DCUN1D4: variants seen among roughly 807,000 people sequenced by gnomAD.
DCUN1D4 encodes defective in cullin neddylation 1 domain containing 4.
Under a neutral mutation model 47.9 loss-of-function variants are expected in DCUN1D4, and 22 were observed. That is an observed-to-expected ratio of 0.46 (90% confidence interval 0.33 to 0.66). DCUN1D4 has a LOEUF of 0.66. DCUN1D4 is among the 30% of genes least tolerant of loss of function. The probability of loss-of-function intolerance (pLI) is 0.02; values close to 1 mark genes in which losing one functional copy is unlikely to be tolerated. For missense variants in DCUN1D4, 301 were observed against 340.8 expected, an observed-to-expected ratio of 0.88 and a Z score of 0.92; for synonymous variants, 121 against 112.2, an observed-to-expected ratio of 1.08 and a Z score of -0.50.
intron 1 of DCUN1D4, among the ~76,000 whole-genome samples, chr4:51,858,877 A>G (rs1275344693): frequency 6.6e-6 from 1 of 152,248 alleles, no homozygotes; most frequent in Admixed American, 6.5e-5. Context: ...TGTAGTTGCA[A>G]CAGAGACTGT....
chr4:51,848,383 GC>G (rs1722879243), intron 1 of DCUN1D4: 2 of 1,160,190 alleles, frequency 1.7e-6, no homozygotes, highest in Admixed American at 3.7e-5. Flanking sequence ...ATGTTAAGGG[GC>G]CTAGAGTGTT....
intron 3 of DCUN1D4, among the ~76,000 whole-genome samples, chr4:51,866,769 T>C (rs890862676): frequency 1.3e-5 from 2 of 152,244 alleles, no homozygotes; most frequent in Admixed American, 6.5e-5. Flanking sequence ...AAAGTATACT[T>C]GGACTCATGC....
intron 4 of DCUN1D4, among the ~76,000 whole-genome samples, chr4:51,875,632 A>C (rs1228993145): frequency 6.6e-6 from 1 of 152,202 alleles, no homozygotes; most frequent in Non-Finnish European, 1.5e-5. Context: ...TATCCCAATA[A>C]GATCCCTAAT....
In DCUN1D4 at chr4:51,913,673, T is replaced by C; in HGVS notation, c.*89T>C. ...TTGCTGTTTGTATCAAAGCGCATGCTGCTTCTCTTGCACTGTTTCCCTTTC... is the reference window on the plus strand; with the variant it reads ...TTGCTGTTTGTATCAAAGCGCATGCCGCTTCTCTTGCACTGTTTCCCTTTC... On this transcript the variant is annotated 3_prime_UTR_variant, in exon 11 of 11. Coordinates refer to ENST00000334635, the MANE Select transcript of DCUN1D4 (RefSeq NM_001040402.3). 4 of 1,174,284 alleles carry C rather than the reference T, an allele frequency of 3.4e-6. No homozygotes were observed. The highest frequency in any genetic ancestry group is 5.1e-6 in the Non-Finnish European group (4 of 791,140). 72.7% of individuals were successfully genotyped at this position (1,174,284 alleles called of 1,614,324 possible). A position where few individuals can be genotyped will look rare whatever the true frequency, so the allele number is the denominator to read the frequency against.
intron 1 of DCUN1D4, among the ~76,000 whole-genome samples, chr4:51,851,222 C>A (rs982562885): frequency 6.6e-6 from 1 of 152,038 alleles, no homozygotes; most frequent in African/African-American, 2.4e-5. Context: ...TGGGGGAGAC[C>A]GGGGCTTCAG....
chr4:51,913,256 T>A (rs774461280), intron 9 of DCUN1D4, 34 bp from the exon 10 acceptor site: 2 of 1,309,804 alleles, frequency 1.5e-6, no homozygotes, highest in Non-Finnish European at 2.2e-6. Context: ...TCATTTTAAG[T>A]GTCAGTAATT....
At chr4:51,839,957 G>C (rs1721591092), upstream of DCUN1D4, among the ~76,000 whole-genome samples, 1 of 151,786 alleles carries the variant, frequency 6.6e-6, no homozygotes, top group Non-Finnish European at 1.5e-5. Flanking sequence ...CTAGGCTTAG[G>C]GCATTTCAAA....
chr4:51,909,141 C>A (rs1406769418), intron 8 of DCUN1D4, among the ~76,000 whole-genome samples: 1 of 151,704 alleles, frequency 6.6e-6, no homozygotes, highest in Non-Finnish European at 1.5e-5. Flanking sequence ...TCTTTTTTTT[C>A]TTTTTTGTCA....
At chr4:51,862,247 G>T (rs1206921533) in intron 1 of DCUN1D4, among the ~76,000 whole-genome samples, 1 of 152,226 alleles carries the variant, frequency 6.6e-6, no homozygotes, top group Non-Finnish European at 1.5e-5. Flanking sequence ...CACTGCATGT[G>T]AATGTGAGGG....
At chr4:51,882,142 C>T (rs1037008735) in intron 5 of DCUN1D4, among the ~76,000 whole-genome samples, 3 of 151,976 alleles carry the variant, frequency 2.0e-5, no homozygotes, top group African/African-American at 7.2e-5. Context: ...TTCTAAAACA[C>T]ACAGACACAT....
intron 3 of DCUN1D4, among the ~76,000 whole-genome samples, chr4:51,869,227 G>C (rs1015721427): frequency 6.6e-6 from 1 of 150,904 alleles, no homozygotes; most frequent in Non-Finnish European, 1.5e-5. Flanking sequence ...AGTATTTAGA[G>C]AGAGGAAAAA....
intron 1 of DCUN1D4, among the ~76,000 whole-genome samples, chr4:51,860,842 A>G (rs2109881925): frequency 6.6e-6 from 1 of 152,214 alleles, no homozygotes; most frequent in African/African-American, 2.4e-5. Flanking sequence ...GGACATATCC[A>G]AACTATATCA....
the DCUN1D4 span, among the ~76,000 whole-genome samples, chr4:51,835,324 A>C: frequency 3.9e-5 from 6 of 152,252 alleles, no homozygotes; most frequent in South Asian, 1.2e-3. Context: ...TGGGTTTTAC[A>C]AAAATGTCTA....
chr4:51,877,179 C>T (rs1271904206), intron 4 of DCUN1D4, among the ~76,000 whole-genome samples: 5 of 152,134 alleles, frequency 3.3e-5, no homozygotes, highest in Admixed American at 3.3e-4. Flanking sequence ...CTTCTGTCTC[C>T]TGAGGTTTCT....
Position 51,878,105 on chromosome 4 carries a change from T to C in DCUN1D4, c.343+251T>C, listed in dbSNP as rs1727972613. On this transcript the variant is annotated intron_variant, in intron 5 of 10. Transcript: ENST00000334635. ...GATGAAATGACTTGGGAGAAATACT[T>C]TGGATTGCTGGGAAACCTATTTGGA... 3 of 244,812 alleles carry C rather than the reference T, an allele frequency of 1.2e-5. No individual in the cohort carries two copies. In the East Asian group the frequency reaches 2.3e-4, roughly 19 times the overall value. 15.2% of individuals were successfully genotyped at this position (244,812 alleles called of 1,614,324 possible). A position where few individuals can be genotyped will look rare whatever the true frequency, so the allele number is the denominator to read the frequency against.
At chr4:51,860,477 A>C in intron 1 of DCUN1D4, 1 of 419,698 alleles carries the variant, frequency 2.4e-6, no homozygotes, top group South Asian at 1.7e-5. Context: ...GCATTACTAT[A>C]AAGAAATACC....
intron 1 of DCUN1D4, among the ~76,000 whole-genome samples, chr4:51,855,754 T>C (rs1195007758): frequency 1.3e-5 from 2 of 152,208 alleles, no homozygotes; most frequent in East Asian, 1.9e-4. Context: ...TCTCAGTGAT[T>C]CAAGTAAAAG....
At chr4:51,870,517 TAGA>T (rs991062694) in intron 3 of DCUN1D4, among the ~76,000 whole-genome samples, 60 of 152,124 alleles carry the variant, frequency 3.9e-4, no homozygotes, top group African/African-American at 1.4e-3. Context: ...TTTTTTTTTT[TAGA>T]AGAATCTGAT....
chr4:51,841,262 T>C (rs1721634476), upstream of DCUN1D4, among the ~76,000 whole-genome samples: 1 of 152,162 alleles, frequency 6.6e-6, no homozygotes. Context: ...TCATAAATAT[T>C]ACACACACAA....
Sources: gnomAD v4.1 joint callset for allele counts (sites outside exome capture counted in the v4.1 genomes callset) on GRCh38, gnomAD v4.1.1 for gene constraint, MANE v1.5 for transcripts, NCBI Gene and HGNC (gene_info 2026-07-23, HGNC 2026-07-21) for gene names.